The following USP28 variants were observed in gnomAD, a reference collection of about 807,000 sequenced individuals.
USP28 encodes ubiquitin specific peptidase 28.
Under a neutral mutation model 145.0 loss-of-function variants are expected in USP28, and 113 were observed. The observed-to-expected ratio is 0.78, with a 90% confidence interval of 0.67 to 0.91. The LOEUF (loss-of-function observed/expected upper bound fraction) is 0.91. Among genes scored for constraint, USP28 ranks in the 40% least tolerant of loss-of-function variants. The pLI, the probability that USP28 is intolerant of heterozygous loss-of-function variation, is 0.00. For synonymous variants in USP28, 447 were observed against 450.9 expected (o/e 0.99, Z 0.11); for missense variants, 1,201 against 1,289.6 (o/e 0.93, Z 1.05).
chr11:113,847,409 G>A (rs1000529799), intron 3 of USP28, among the ~76,000 whole-genome samples: 1 of 119,412 alleles, frequency 8.4e-6, no homozygotes. Flanking sequence ...CATAACAAAG[G>A]ACTTGATTTC....
intron 1 of USP28, among the ~76,000 whole-genome samples, chr11:113,855,532 A>G (rs1946959429): frequency 6.6e-6 from 1 of 152,240 alleles, no homozygotes; most frequent in Non-Finnish European, 1.5e-5. Flanking sequence ...GCTATAATAG[A>G]AACAGTATCT....
chr11:113,863,643 CAAAA>C (rs71063528), intron 1 of USP28, among the ~76,000 whole-genome samples: 7 of 124,882 alleles, frequency 5.6e-5, no homozygotes, highest in Non-Finnish European at 4.9e-5. Context: ...GACCCTGTCT[CAAAA>C]AAAAAAAAAA....
At chr11:113,801,350 C>A in intron 24 of USP28, 133 bp downstream of exon 25, 1 of 625,960 alleles carries the variant, frequency 1.6e-6, no homozygotes, top group Non-Finnish European at 2.5e-6. Context: ...TAGAGCAGAT[C>A]CATTTTTAAT....
At chr11:113,873,484 C>T (rs1314685872) in intron 1 of USP28, among the ~76,000 whole-genome samples, 1 of 152,174 alleles carries the variant, frequency 6.6e-6, no homozygotes, top group South Asian at 2.1e-4. Flanking sequence ...CACACAGTCT[C>T]AAACGGAGAA....
chr11:113,854,546 C>T (rs937412757), intron 1 of USP28, among the ~76,000 whole-genome samples: 1 of 152,174 alleles, frequency 6.6e-6, no homozygotes, highest in Non-Finnish European at 1.5e-5. Context: ...GGATTACAGG[C>T]ACAGGCCACC....
intron 17 of USP28, among the ~76,000 whole-genome samples, chr11:113,808,853 G>GT (rs1940487333): frequency 6.6e-6 from 1 of 152,222 alleles, no homozygotes; most frequent in African/African-American, 2.4e-5. Context: ...GTCACAGGTA[G>GT]TTAGTCTTTC....
rs532588406 is a variant in USP28 at position 113,858,861 on chromosome 11, G to A, written c.58-4526C>T. 7.9e-5 allele frequency among the ~76,000 whole-genome samples: 12 copies of A among 152,106 alleles called. No individual in the cohort carries two copies. The East Asian group carries it at 9.7e-4, about 12-fold the overall frequency. On this transcript the variant is annotated intron_variant, in intron 1 of 24. Coordinates refer to ENST00000003302, the Ensembl canonical transcript of USP28. ...TTACCTCAAGTGATCCACCCACCTC[G>A]GCCTCCCAAAGTGTTGGGATTACAG...
intron 10 of USP28, 106 bp downstream of exon 10, chr11:113,829,091 A>T: frequency 6.9e-7 from 1 of 1,454,362 alleles, no homozygotes; most frequent in Non-Finnish European, 9.4e-7. Context: ...AAGTTCTGCT[A>T]AGTGTAAAGT....
At chr11:113,837,331 C>T (rs950195371) in intron 5 of USP28, among the ~76,000 whole-genome samples, 2 of 152,208 alleles carry the variant, frequency 1.3e-5, no homozygotes, top group African/African-American at 4.8e-5. Context: ...GCTGAGGGAA[C>T]TCGCATGCAT....
chr11:113,851,369 C>T (rs1401972444), intron 3 of USP28, among the ~76,000 whole-genome samples: 2 of 152,202 alleles, frequency 1.3e-5, no homozygotes, highest in Admixed American at 6.5e-5. Flanking sequence ...TTTCCATGGC[C>T]CCATCCCTTT....
At position 113,834,529 on chromosome 11, in the gene USP28, T is replaced by C. The variant is rs1028021766; in HGVS notation, c.535-194A>G. 6.6e-5 allele frequency among the ~76,000 whole-genome samples: 10 copies of C among 152,224 alleles called. No individual in the cohort carries two copies. Among genetic ancestry groups the C allele is most frequent in the African/African-American group, 2.2e-4 (9 of 41,452 alleles). ...TTAGCTCAAAGAATATTAATACTTT[T>C]AGGTAAAAAATAGAAACAACCTAAT... On this transcript the variant is annotated intron_variant, in intron 5 of 24. Transcript: ENST00000003302.
chr11:113,859,194 C>T (rs908783666), intron 1 of USP28, among the ~76,000 whole-genome samples: 2 of 152,104 alleles, frequency 1.3e-5, no homozygotes, highest in African/African-American at 4.8e-5. Flanking sequence ...TGACAGGAAA[C>T]AGGCACCTTA....
At chr11:113,816,188 A>G (rs1456534156) in intron 13 of USP28, among the ~76,000 whole-genome samples, 1 of 152,178 alleles carries the variant, frequency 6.6e-6, no homozygotes, top group Non-Finnish European at 1.5e-5. Flanking sequence ...CCAAAGCTGA[A>G]GAATATAAAC....
At chr11:113,832,513 TAGC>T (rs1944119286) in intron 7 of USP28, among the ~76,000 whole-genome samples, 2 of 152,168 alleles carry the variant, frequency 1.3e-5, no homozygotes, top group African/African-American at 4.8e-5. Context: ...CTGAAAGTTG[TAGC>T]TAGAAGGAAG....
At chr11:113,815,449 T>G (rs939467684) in intron 13 of USP28, 67 bp from the exon 14 acceptor site, 10 of 1,463,062 alleles carry the variant, frequency 6.8e-6, no homozygotes, top group Non-Finnish European at 9.4e-6. Flanking sequence ...AATTATGTAC[T>G]TTGGAAAGCA....
intron 3 of USP28, among the ~76,000 whole-genome samples, chr11:113,847,651 T>C (rs1050994375): frequency 6.6e-6 from 1 of 152,200 alleles, no homozygotes; most frequent in African/African-American, 2.4e-5. Flanking sequence ...TTATTTTTAG[T>C]GTGATAATGT....
rs1294896745 is a variant in USP28, at chr11:113,826,349, T to C, written c.1187+884A>G. ...AGCCACCACACCCATTTTTTTTTTT[T>C]TTTTTTTTTTTTTTTTTGAGACAGG... is the stretch of plus-strand genomic sequence containing the variant. On this transcript the variant is annotated intron_variant, in intron 11 of 24. Transcript: ENST00000003302. Among the ~76,000 whole-genome samples the C allele has an allele frequency of 1.7e-3, 221 of 133,440 alleles. 1 individual carries two copies. Among genetic ancestry groups the C allele is most frequent in the African/African-American group, 5.8e-3 (207 of 35,748 alleles). The allele number at this position is 133,440 out of a possible 152,430, so 87.5% of individuals were successfully genotyped here. A position where few individuals can be genotyped will look rare whatever the true frequency, so the allele number is the denominator to read the frequency against.
intron 12 of USP28, 40 bp downstream of exon 12, chr11:113,823,564 AT>A (rs758804470): frequency 7.4e-7 from 1 of 1,358,736 alleles, no homozygotes; most frequent in Admixed American, 2.0e-5. Context: ...TGTTTTTAAT[AT>A]TCTTTTACAT....
intron 1 of USP28, among the ~76,000 whole-genome samples, chr11:113,866,100 C>G (rs1948224584): frequency 6.6e-6 from 1 of 152,186 alleles, no homozygotes; most frequent in Non-Finnish European, 1.5e-5. Context: ...TCAAGACCAG[C>G]CTGGCCAACA....
Sources: allele counts gnomAD v4.1 joint callset (sites outside exome capture counted in the v4.1 genomes callset), GRCh38; gene constraint gnomAD v4.1.1; transcripts MANE v1.5; gene names NCBI Gene and HGNC (gene_info 2026-07-23, HGNC 2026-07-21).